Variants in CDH13 observed in about 807,000 individuals in gnomAD.
CDH13 encodes the protein cadherin-13.
In CDH13, 24 loss-of-function variants were observed where a neutral mutation model predicts 63.8. The ratio of observed to expected loss-of-function variants is 0.38; its 90% CI spans 0.27 to 0.53. The LOEUF is 0.53. CDH13 is among the 20% of genes least tolerant of loss of function. The probability of loss-of-function intolerance (pLI) is 0.85; values close to 1 mark genes in which losing one functional copy is unlikely to be tolerated. For synonymous variants in CDH13, 503 were observed against 355.3 expected (o/e 1.42, Z -4.67); for missense variants, 1,049 against 903.1 (o/e 1.16, Z -2.07).
chr16:82,731,686 T>A (rs2033410776), intron 1 of CDH13, among the ~76,000 whole-genome samples: 1 of 152,216 alleles, frequency 6.6e-6, no homozygotes. Context: ...GCTACAAGTG[T>A]AAGAGTTTGG....
At chr16:83,658,659 A>C (rs113317425) in intron 8 of CDH13, among the ~76,000 whole-genome samples, 1 of 123,386 alleles carries the variant, frequency 8.1e-6, no homozygotes, top group Non-Finnish European at 1.7e-5. Flanking sequence ...CAGGTCCCAT[A>C]TCCTCACCAG....
intron 2 of CDH13, among the ~76,000 whole-genome samples, chr16:83,002,733 G>C (rs773512623): frequency 1.3e-5 from 2 of 152,196 alleles, no homozygotes; most frequent in Non-Finnish European, 2.9e-5. Flanking sequence ...GGGGCGTTCA[G>C]AGACTGGGAG....
At chr16:83,309,444 C>G (rs143374844) in intron 5 of CDH13, among the ~76,000 whole-genome samples, 1 of 152,044 alleles carries the variant, frequency 6.6e-6, no homozygotes, top group Non-Finnish European at 1.5e-5. Flanking sequence ...GGCATGATCT[C>G]GGCTCACTGC....
chr16:83,134,530 G>C (rs1459647695), intron 4 of CDH13, among the ~76,000 whole-genome samples: 2 of 136,974 alleles, frequency 1.5e-5, no homozygotes, highest in African/African-American at 2.7e-5. Context: ...ATTTTATGTG[G>C]GGATGGGGTG....
chr16:83,636,368 C>T (rs942227060), intron 8 of CDH13, among the ~76,000 whole-genome samples: 1 of 152,146 alleles, frequency 6.6e-6, no homozygotes, highest in Non-Finnish European at 1.5e-5. Flanking sequence ...AGGTATATTA[C>T]ATGATGCTAG....
At chr16:82,943,598 A>G (rs1862678) in intron 2 of CDH13, among the ~76,000 whole-genome samples, 44,783 of 152,094 alleles carry the variant, frequency 0.29, 7,759 homozygotes, top group African/African-American at 0.48. Context: ...TGTATGTCTG[A>G]TGCAATATCT....
At chr16:83,698,825 CTG>C (rs1466295806) in intron 10 of CDH13, among the ~76,000 whole-genome samples, 3 of 152,244 alleles carry the variant, frequency 2.0e-5, no homozygotes, top group African/African-American at 7.2e-5. Flanking sequence ...ACCACACAAT[CTG>C]TGTCTCAGCT....
intron 6 of CDH13, among the ~76,000 whole-genome samples, chr16:83,370,043 C>T (rs2091335409): frequency 6.6e-6 from 1 of 152,188 alleles, no homozygotes; most frequent in South Asian, 2.1e-4. Context: ...CCCGTATTTA[C>T]CTGTATCTCC....
intron 10 of CDH13, among the ~76,000 whole-genome samples, chr16:83,681,583 C>T (rs1490601904): frequency 6.6e-6 from 1 of 152,130 alleles, no homozygotes; most frequent in African/African-American, 2.4e-5. Flanking sequence ...CTCCCTCCTA[C>T]CCACCTTTCC....
intron 4 of CDH13, among the ~76,000 whole-genome samples, chr16:83,136,334 A>C (rs1268297720): frequency 1.3e-5 from 2 of 151,672 alleles, no homozygotes; most frequent in Non-Finnish European, 2.9e-5. Context: ...AATACAACAA[A>C]AATTAGCCGG....
intron 3 of CDH13, among the ~76,000 whole-genome samples, chr16:83,084,183 A>G (rs2033437045): frequency 1.3e-5 from 2 of 152,248 alleles, no homozygotes; most frequent in South Asian, 4.1e-4. Flanking sequence ...ATGGGCACGT[A>G]CACAAAAGAT....
At chr16:83,015,657 A>ATGTG (rs145413477) in intron 2 of CDH13, among the ~76,000 whole-genome samples, 15,105 of 81,120 alleles carry the variant, frequency 0.19, 2,262 homozygotes, top group Non-Finnish European at 0.25. Flanking sequence ...TGCAGCATAT[A>ATGTG]TGTGTGTGTG....
intron 6 of CDH13, among the ~76,000 whole-genome samples, chr16:83,353,754 C>T (rs1366615770): frequency 1.4e-4 from 22 of 152,230 alleles, no homozygotes; most frequent in Admixed American, 1.4e-3. Context: ...CTCTGCCCAT[C>T]ACCCATGCTC....
rs1240815129 is a variant in CDH13, at chr16:82,870,015, G to A, written c.157+11542G>A. On this transcript the variant is annotated intron_variant, in intron 2 of 13. Coordinates refer to ENST00000567109, the MANE Select transcript of CDH13 (RefSeq NM_001257.5). ...GTTAAAAACTTCCTGCATAGCAAAG[G>A]AAACAATCAAAATCAAGAGACAACC... 2.6e-5 allele frequency among the ~76,000 whole-genome samples: 4 copies of A among 151,962 alleles called. 1 individual carries two copies. Among genetic ancestry groups the A allele is most frequent in the Admixed American group, 1.3e-4 (2 of 15,254 alleles).
At chr16:83,490,391 C>T (rs1355817962) in intron 7 of CDH13, among the ~76,000 whole-genome samples, 1 of 152,148 alleles carries the variant, frequency 6.6e-6, no homozygotes, top group Non-Finnish European at 1.5e-5. Flanking sequence ...TGAGGATAGT[C>T]ACACAGGGCA....
At chr16:83,443,073 C>G (rs937708103) in intron 6 of CDH13, among the ~76,000 whole-genome samples, 1 of 152,216 alleles carries the variant, frequency 6.6e-6, no homozygotes, top group African/African-American at 2.4e-5. Flanking sequence ...CCTCAATCTG[C>G]ATATTTCATC....
chr16:83,382,954 T>C (rs933884833), intron 6 of CDH13: 7 of 152,236 alleles, frequency 4.6e-5, no homozygotes, highest in Non-Finnish European at 8.8e-5. Flanking sequence ...CCGTGCAGTG[T>C]GCAAGACAGA....
chr16:83,017,158 G>A (rs968943115), intron 2 of CDH13, among the ~76,000 whole-genome samples: 1 of 152,198 alleles, frequency 6.6e-6, no homozygotes, highest in Non-Finnish European at 1.5e-5. Context: ...TTTAATGGGT[G>A]CATAAGGATT....
chr16:83,237,110 T>A (rs1048782243), intron 5 of CDH13, among the ~76,000 whole-genome samples: 4 of 152,166 alleles, frequency 2.6e-5, no homozygotes, highest in African/African-American at 4.8e-5. Flanking sequence ...CAGGGTGGCA[T>A]GGGCAGCTTT....
Sources: allele counts gnomAD v4.1 joint callset (sites outside exome capture counted in the v4.1 genomes callset), GRCh38; gene constraint gnomAD v4.1.1; transcripts MANE v1.5; gene names NCBI Gene and HGNC (gene_info 2026-07-23, HGNC 2026-07-21).